TTC27: variants seen among roughly 807,000 people sequenced by gnomAD.
TTC27 encodes the protein tetratricopeptide repeat protein 27.
Under a neutral mutation model 115.9 loss-of-function variants are expected in TTC27, and 79 were observed. The observed-to-expected ratio is 0.68, with a 90% CI of 0.57 to 0.82. TTC27 has a LOEUF of 0.82. Among genes scored for constraint, TTC27 ranks in the 40% least tolerant of loss-of-function variants. The probability of loss-of-function intolerance (pLI) is 0.00; values close to 1 mark genes in which losing one functional copy is unlikely to be tolerated. For synonymous variants in TTC27, 401 were observed against 356.0 expected (o/e 1.13, Z -1.42); for missense variants, 1,054 against 993.1 (o/e 1.06, Z -0.82).
At chr2:32,681,932 G>C (rs1279844116) in intron 9 of TTC27, among the ~76,000 whole-genome samples, 1 of 149,236 alleles carries the variant, frequency 6.7e-6, no homozygotes, top group African/African-American at 2.5e-5. Flanking sequence ...CTTTTTGCAA[G>C]GTTCATATTT....
chr2:32,715,839 A>C (rs1351413542), intron 10 of TTC27, among the ~76,000 whole-genome samples: 5 of 151,976 alleles, frequency 3.3e-5, no homozygotes, highest in African/African-American at 1.2e-4. Context: ...GTGTTTGAAT[A>C]ATTTGAGAAA....
At chr2:32,780,492 T>G (rs762990427) in intron 14 of TTC27, among the ~76,000 whole-genome samples, 8 of 152,232 alleles carry the variant, frequency 5.3e-5, no homozygotes, top group Non-Finnish European at 1.0e-4. Context: ...CAGGCTGAGG[T>G]GCAGTGGTGC....
intron 12 of TTC27, 114 bp downstream of exon 12, chr2:32,736,930 T>C: frequency 7.3e-7 from 1 of 1,367,414 alleles, no homozygotes; most frequent in Non-Finnish European, 9.8e-7. Flanking sequence ...ATTCCTTTTT[T>C]CACTTTTTTT....
chr2:32,754,223 C>G (rs1264030962), intron 12 of TTC27, among the ~76,000 whole-genome samples: 2 of 148,590 alleles, frequency 1.3e-5, no homozygotes, highest in Non-Finnish European at 3.0e-5. Flanking sequence ...AGGACAATAG[C>G]GGAGGGAAGG....
At chr2:32,681,978 A>ATG (rs1319189348) in intron 9 of TTC27, among the ~76,000 whole-genome samples, 103 of 137,884 alleles carry the variant, frequency 7.5e-4, no homozygotes, top group African/African-American at 2.3e-3. Flanking sequence ...ATATGTATAT[A>ATG]TATGTGTGTG....
chr2:32,796,614 A>G (rs2148031607), intron 16 of TTC27, among the ~76,000 whole-genome samples: 1 of 152,320 alleles, frequency 6.6e-6, no homozygotes, highest in Non-Finnish European at 1.5e-5. Flanking sequence ...AGGAAATCTG[A>G]ATGGATTGGT....
intron 9 of TTC27, among the ~76,000 whole-genome samples, chr2:32,702,010 CAA>C (rs752550794): frequency 2.1e-5 from 1 of 48,070 alleles, no homozygotes; most frequent in Non-Finnish European, 4.4e-5. Context: ...GATCCTGTCT[CAA>C]AAAAAAAAAA....
intron 9 of TTC27, 135 bp downstream of exon 9, chr2:32,679,057 G>A (rs1478428064): frequency 1.2e-5 from 8 of 681,100 alleles, no homozygotes; most frequent in Non-Finnish European, 2.0e-5. Context: ...TCTTACCACT[G>A]TAGTTTCTAA....
At chr2:32,683,456 T>C (rs766174537) in intron 9 of TTC27, among the ~76,000 whole-genome samples, 3 of 152,222 alleles carry the variant, frequency 2.0e-5, no homozygotes, top group South Asian at 4.1e-4. Flanking sequence ...AGAATGATGG[T>C]GAAATCTCTT....
chr2:32,666,854 G>T, intron 7 of TTC27, 86 bp downstream of exon 7: 1 of 1,433,880 alleles, frequency 7.0e-7, no homozygotes. Flanking sequence ...CACTGAATGG[G>T]TTGGGGACAG....
rs762040319 is a variant in TTC27 at position 32,685,782 on chromosome 2, C to T, written c.1119+6860C>T. ...TTATTGGTGAAAAGTAGTCTTTCCC[C>T]CTTAAGCTCAGAAAAAAGGGAAGAT... On this transcript the variant is annotated intron_variant, in intron 9 of 19. Coordinates refer to ENST00000317907, the MANE Select transcript of TTC27 (RefSeq NM_017735.5). Among the ~76,000 whole-genome samples, 63 of 152,116 alleles carry T rather than the reference C, an allele frequency of 4.1e-4. 1 individual carries two copies. The highest frequency in any genetic ancestry group is 2.4e-4 in the Non-Finnish European group (16 of 68,010).
At chr2:32,738,906 C>G (rs1304533703) in intron 12 of TTC27, among the ~76,000 whole-genome samples, 1 of 152,128 alleles carries the variant, frequency 6.6e-6, no homozygotes, top group African/African-American at 2.4e-5. Flanking sequence ...TTTAAAATGT[C>G]AAGCAACGTA....
chr2:32,635,360 C>A (rs1664377519), intron 3 of TTC27: 1 of 153,930 alleles, frequency 6.5e-6, no homozygotes, highest in Admixed American at 6.6e-5. Flanking sequence ...TGCAGCAAAA[C>A]AGACCTAGTG....
At chr2:32,764,371 A>G (rs1052642012) in intron 13 of TTC27, among the ~76,000 whole-genome samples, 28 of 152,328 alleles carry the variant, frequency 1.8e-4, no homozygotes, top group African/African-American at 6.5e-4. Context: ...GTAGTCTATC[A>G]AGTGTGCAAT....
chr2:32,778,608 C>T (rs191998185), intron 14 of TTC27, among the ~76,000 whole-genome samples: 3 of 152,118 alleles, frequency 2.0e-5, no homozygotes, highest in Non-Finnish European at 2.9e-5. Context: ...TTTGTGGGCT[C>T]TTGTGACTGG....
chr2:32,794,699 G>A (rs1670641547), intron 16 of TTC27, among the ~76,000 whole-genome samples: 1 of 151,702 alleles, frequency 6.6e-6, no homozygotes, highest in South Asian at 2.1e-4. Context: ...TAGATAGATG[G>A]ACTAAGGAAA....
At chr2:32,786,922 A>G (rs1362402470) in intron 15 of TTC27, 62 bp from the exon 16 acceptor site, 7 of 1,371,976 alleles carry the variant, frequency 5.1e-6, no homozygotes, top group African/African-American at 2.9e-5. Flanking sequence ...ACATTTAGCT[A>G]TGCTTTATTC....
At chr2:32,801,133 T>G (rs778548615) in intron 16 of TTC27, among the ~76,000 whole-genome samples, 39 of 152,136 alleles carry the variant, frequency 2.6e-4, no homozygotes, top group Non-Finnish European at 5.6e-4. Context: ...GCCAGGAGAG[T>G]GCCCTCGGAA....
chr2:32,638,649 A>G (rs1664519239), intron 3 of TTC27, among the ~76,000 whole-genome samples: 1 of 152,170 alleles, frequency 6.6e-6, no homozygotes, highest in African/African-American at 2.4e-5. Context: ...GAGTGCTGGG[A>G]TTACAGGCAT....
Sources: gnomAD v4.1 joint callset for allele counts (sites outside exome capture counted in the v4.1 genomes callset) on GRCh38, gnomAD v4.1.1 for gene constraint, MANE v1.5 for transcripts, NCBI Gene and HGNC (gene_info 2026-07-23, HGNC 2026-07-21) for gene names.